Variants in MTO1 observed in about 807,000 individuals in gnomAD.
MTO1 encodes mitochondrial tRNA translation optimization 1.
Under a neutral mutation model 71.6 loss-of-function variants are expected in MTO1, and 46 were observed. The observed-to-expected ratio is 0.64, with a 90% CI of 0.51 to 0.82. MTO1 has a LOEUF of 0.82. MTO1 is among the 40% of genes least tolerant of loss of function. MTO1 has a pLI of 0.00. For missense variants in MTO1, 773 were observed against 867.5 expected, an observed-to-expected ratio of 0.89 and a Z score of 1.37; for synonymous variants, 297 against 312.1, an observed-to-expected ratio of 0.95 and a Z score of 0.51.
intron 4 of MTO1, among the ~76,000 whole-genome samples, chr6:73,476,936 C>T (rs748254172): frequency 3.3e-5 from 5 of 151,866 alleles, no homozygotes; most frequent in South Asian, 2.1e-4. Context: ...TACAGGCACC[C>T]GCCAACACGC....
intron 6 of MTO1, 196 bp from the exon 7 acceptor site, chr6:73,480,479 A>G: frequency 1.6e-6 from 1 of 621,482 alleles, no homozygotes; most frequent in Non-Finnish European, 2.8e-6. Flanking sequence ...CCTGTTGGTC[A>G]GGCTGGTCTC....
At chr6:73,500,202 A>C (rs184313884) in intron 11 of MTO1, among the ~76,000 whole-genome samples, 1 of 152,028 alleles carries the variant, frequency 6.6e-6, no homozygotes, top group East Asian at 1.9e-4. Flanking sequence ...GAGTCCCACT[A>C]TTTTTCCCAG....
chr6:73,500,607 C>T lies in MTO1; in HGVS notation c.1951C>T (p.Pro651Ser). ...TGCTAGTCGCATACCCGGAGTAACA[C>T]CTGCCGCCATCATCAATCTGCTGAG... ...GAASRIPGVT[P>S]AAIINLLRFV... is the part of the protein sequence containing the mutation. Residue 651 changes from proline (P) to serine (S), a missense_variant, in exon 12 of 12, where the codon CCT (proline) becomes TCT (serine). Coordinates refer to ENST00000498286, the MANE Select transcript of MTO1 (RefSeq NM_012123.4). The T allele has an allele frequency of 6.2e-7, 1 of 1,613,816 alleles. No homozygotes were observed. Among genetic ancestry groups the T allele is most frequent in the Non-Finnish European group, 8.5e-7 (1 of 1,179,918 alleles).
At position 73,482,006 on chromosome 6, in the gene MTO1, T is replaced by A. The variant is rs550073605; in HGVS notation, c.1261-34T>A. 4.3e-6 allele frequency: 7 copies of A among 1,611,956 alleles called. No homozygotes were observed. In the African/African-American group the frequency reaches 9.3e-5, roughly 21 times the overall value. ...ATGGGATAGCCGTTTGTTTAGTTCA[T>A]AATGGCCTTTTAAACATTTCAGTGC... On this transcript the variant is annotated intron_variant, in intron 7 of 11. Coordinates refer to ENST00000498286, the MANE Select transcript of MTO1 (RefSeq NM_012123.4).
In MTO1 at chr6:73,473,464, G is replaced by A. The variant is rs750101940; in HGVS notation, c.635G>A (p.Arg212His). Residue 212 changes from arginine to histidine, a missense_variant, in exon 4 of 12, where the codon CGT becomes CAT. Physicochemically the swap from Arg to His is conservative, Grantham distance 29 (BLOSUM62 0). Coordinates refer to ENST00000498286, the MANE Select transcript of MTO1 (RefSeq NM_012123.4). ...GGATTGGAGACGCATCCAGCAGGAC[G>A]TTTAGGGGATCAGCCTTCTATAGGA... The part of the protein sequence containing the change: ...VIGLETHPAG[R>H]LGDQPSIGLA... The A allele has an allele frequency of 1.2e-5, 19 of 1,614,032 alleles. No homozygotes were observed. Among genetic ancestry groups the A allele is most frequent in the South Asian group, 7.7e-5 (7 of 91,090 alleles).
chr6:73,496,315 A>C (rs1771976088), intron 10 of MTO1, among the ~76,000 whole-genome samples: 1 of 152,148 alleles, frequency 6.6e-6, no homozygotes, highest in Non-Finnish European at 1.5e-5. Flanking sequence ...CTAAGAGCAG[A>C]ATGCTTTAAA....
chr6:73,500,633 A>G lies in MTO1; in HGVS notation c.1977A>G (p.Arg659=), dbSNP rs1772133919. The G allele has an allele frequency of 1.2e-6, 2 of 1,613,984 alleles. No homozygotes were observed. Among genetic ancestry groups the G allele is most frequent in the East Asian group, 4.5e-5 (2 of 44,860 alleles). The part of the protein sequence containing the change: ...VTPAAIINLL[R]FVKTTQRRQS... ...CTGCCGCCATCATCAATCTGCTGAG[A>G]TTTGTGAAGACCACTCAACGAAGAC... The change falls in exon 12 of 12, where the codon AGA becomes AGG. Residue 659 remains arginine, a synonymous_variant. Transcript: ENST00000498286.
intron 9 of MTO1, among the ~76,000 whole-genome samples, chr6:73,487,433 G>A (rs1391224804): frequency 2.6e-5 from 4 of 151,280 alleles, no homozygotes; most frequent in South Asian, 2.1e-4. Flanking sequence ...CACCTGCCTC[G>A]GCCTCCCAAA....
At chr6:73,494,068 A>G (rs1771914704) in intron 10 of MTO1, among the ~76,000 whole-genome samples, 1 of 151,950 alleles carries the variant, frequency 6.6e-6, no homozygotes, top group South Asian at 2.1e-4. Context: ...CCCCATCTCT[A>G]CTAAAAATAC....
In MTO1 at chr6:73,505,324, TAAAAA is replaced by T. The variant is rs1772256063; in HGVS notation, c.*4590_*4594del. On this transcript the variant is annotated 3_prime_UTR_variant, in exon 12 of 12. Coordinates refer to ENST00000498286, the MANE Select transcript of MTO1 (RefSeq NM_012123.4). ...CATACAATGGAATATTATACAGCCT[TAAAAA>T]GGAAGGAAATTCATATACATGCTAC... 6.6e-6 allele frequency: 1 copy of T among 152,168 alleles called. No homozygotes were observed. The highest frequency in any genetic ancestry group is 6.6e-5 in the Admixed American group (1 of 15,264). 9.4% of individuals were successfully genotyped at this position (152,168 alleles called of 1,614,324 possible). A position where few individuals can be genotyped will look rare whatever the true frequency, so the allele number is the denominator to read the frequency against.
chr6:73,466,488 G>C lies in MTO1; in HGVS notation c.418-1G>C, dbSNP rs778632120. 8.1e-6 allele frequency: 13 copies of C among 1,613,594 alleles called. No individual in the cohort carries two copies. The South Asian group carries it at 1.4e-4, about 18-fold the overall frequency. On this transcript the variant is annotated splice_acceptor_variant, in intron 2 of 11. Coordinates refer to ENST00000498286, the MANE Select transcript of MTO1 (RefSeq NM_012123.4). LOFTEE classifies it high-confidence loss of function. ...TTTCAACTGGCATTTTCTTTTGACA[G>C]AAAGAAATCTTGAATACACCACTGC...
intron 10 of MTO1, among the ~76,000 whole-genome samples, chr6:73,494,340 C>T (rs1234062788): frequency 6.6e-6 from 1 of 151,966 alleles, no homozygotes; most frequent in Non-Finnish European, 1.5e-5. Context: ...AAGCAGGGAA[C>T]AGGATAACAT....
chr6:73,467,056 G>C (rs779988712), intron 3 of MTO1, among the ~76,000 whole-genome samples: 5 of 152,076 alleles, frequency 3.3e-5, no homozygotes, highest in African/African-American at 1.2e-4. Flanking sequence ...GCTCATGCCC[G>C]TAATCCTAGC....
intron 10 of MTO1, chr6:73,492,565 T>G (rs1214786254): frequency 2.5e-6 from 1 of 397,662 alleles, no homozygotes; most frequent in African/African-American, 2.0e-5. Flanking sequence ...ATCCCAGCAC[T>G]TTGGGAGGCT....
intron 1 of MTO1, among the ~76,000 whole-genome samples, chr6:73,462,974 T>G (rs1770872169): frequency 1.3e-5 from 2 of 151,842 alleles, no homozygotes; most frequent in African/African-American, 4.8e-5. Context: ...CTGATCTTTG[T>G]GTTTCTGTCA....
intron 7 of MTO1, 55 bp from the exon 8 acceptor site, chr6:73,481,985 G>C (rs1203323440): frequency 6.3e-7 from 1 of 1,586,964 alleles, no homozygotes; most frequent in Non-Finnish European, 8.7e-7. Flanking sequence ...TTCTGAATGG[G>C]ATAGCCGTTT....
chr6:73,492,957 A>G (rs1404106975), intron 10 of MTO1, among the ~76,000 whole-genome samples: 2 of 126,176 alleles, frequency 1.6e-5, no homozygotes, highest in African/African-American at 3.2e-5. Context: ...AAATAAATAT[A>G]TATATAATAT....
chr6:73,465,647 G>A (rs190181879), intron 1 of MTO1, among the ~76,000 whole-genome samples: 1 of 152,138 alleles, frequency 6.6e-6, no homozygotes, highest in African/African-American at 2.4e-5. Flanking sequence ...GAAAGGAAAA[G>A]GCAACCTAGT....
chr6:73,500,460 A>G (rs1772125709), intron 11 of MTO1, 114 bp from the exon 12 acceptor site: 1 of 802,122 alleles, frequency 1.2e-6, no homozygotes, highest in Non-Finnish European at 1.8e-6. Flanking sequence ...CATCAAAATA[A>G]TAATTAAGAA....
Sources: allele counts gnomAD v4.1 joint callset (sites outside exome capture counted in the v4.1 genomes callset), GRCh38; gene constraint gnomAD v4.1.1; transcripts MANE v1.5; gene names NCBI Gene and HGNC (gene_info 2026-07-23, HGNC 2026-07-21).